Variants in POC1B observed in about 807,000 individuals in gnomAD.
The protein encoded by POC1B is POC1 centriolar protein homolog B.
Under a neutral mutation model 60.6 loss-of-function variants are expected in POC1B, and 44 were observed. The ratio of observed to expected loss-of-function variants is 0.73; its 90% CI spans 0.57 to 0.93. The LOEUF is 0.93. Ranked by LOEUF, POC1B falls within the 40% of genes least tolerant of loss-of-function variation. The probability of loss-of-function intolerance (pLI) is 0.00; values close to 1 mark genes in which losing one functional copy is unlikely to be tolerated. For missense variants in POC1B, 555 were observed against 572.3 expected, an observed-to-expected ratio of 0.97 and a Z score of 0.31; for synonymous variants, 180 against 198.9, an observed-to-expected ratio of 0.90 and a Z score of 0.80.
At chr12:89,475,530 TA>T in intron 4 of POC1B, among the ~76,000 whole-genome samples, 1 of 152,342 alleles carries the variant, frequency 6.6e-6, no homozygotes, top group East Asian at 1.9e-4. Flanking sequence ...TCCTCCCTTT[TA>T]TTTTTAATTA....
chr12:89,503,113 C>CT (rs1408468269), intron 2 of POC1B, among the ~76,000 whole-genome samples: 1 of 152,170 alleles, frequency 6.6e-6, no homozygotes, highest in Non-Finnish European at 1.5e-5. Flanking sequence ...CTATCCCTCT[C>CT]TCCCCACGGT....
chr12:89,523,526 A>G (rs567540670), intron 2 of POC1B: 1 of 1,607,384 alleles, frequency 6.2e-7, no homozygotes, highest in African/African-American at 1.3e-5. Flanking sequence ...ACCCTAAAAG[A>G]CAGCTCAAGG....
intron 10 of POC1B, among the ~76,000 whole-genome samples, chr12:89,441,560 G>A (rs978187858): frequency 6.6e-6 from 1 of 152,192 alleles, no homozygotes. Flanking sequence ...GGTCCTGACT[G>A]TTAGAAGGAA....
intron 10 of POC1B, among the ~76,000 whole-genome samples, chr12:89,458,130 A>G (rs1369235433): frequency 6.6e-6 from 1 of 152,116 alleles, no homozygotes; most frequent in Admixed American, 6.6e-5. Flanking sequence ...GATCTATGAT[A>G]TTTTCTAGGC....
Position 89,466,888 on chromosome 12 carries a change from T to C in POC1B, c.914A>G (p.His305Arg), listed in dbSNP as rs1350008760. The change falls in exon 9 of 12, where the codon CAT becomes CGT. Residue 305 changes from histidine (H) to arginine (R), a missense_variant. His to Arg is a conservative substitution (Grantham distance 29). Coordinates refer to ENST00000313546, the MANE Select transcript of POC1B (RefSeq NM_172240.3). The part of the protein sequence containing the change: ...LLWRTNFDEL[H>R]CKGLTKRNLK... ...ATTTCTTTTGGTAAGACCTTTACAA[T>C]GCAATTCATCAAAGTTAGTCCTCCA... 2 of 1,612,914 alleles carry C rather than the reference T, an allele frequency of 1.2e-6. No individual in the cohort carries two copies. Among genetic ancestry groups the C allele is most frequent in the Non-Finnish European group, 1.7e-6 (2 of 1,179,336 alleles).
intron 4 of POC1B, among the ~76,000 whole-genome samples, chr12:89,489,517 A>G (rs975297067): frequency 6.6e-5 from 10 of 152,324 alleles, no homozygotes; most frequent in Middle Eastern, 3.4e-3. Context: ...CCTTCTGCCT[A>G]TCTTCTTATA....
chr12:89,429,128 C>T (rs899679338), intron 10 of POC1B: 15 of 151,768 alleles, frequency 9.9e-5, no homozygotes, highest in Admixed American at 2.6e-4. Flanking sequence ...ACAATCTAAG[C>T]AATAAAAGAG....
At chr12:89,491,871 G>C (rs79970955) in intron 4 of POC1B, 65 bp downstream of exon 4, 1 of 1,334,360 alleles carries the variant, frequency 7.5e-7, no homozygotes, top group Non-Finnish European at 1.0e-6. Flanking sequence ...TTTTCTGGAA[G>C]TTGGGGGCAA....
chr12:89,469,080 C>T (rs1450494010), intron 7 of POC1B, among the ~76,000 whole-genome samples: 1 of 152,114 alleles, frequency 6.6e-6, no homozygotes, highest in African/African-American at 2.4e-5. Context: ...GCCTGGCCAA[C>T]ATGGTGAAAC....
intron 11 of POC1B, among the ~76,000 whole-genome samples, chr12:89,422,585 T>A (rs1201726984): frequency 2.6e-5 from 4 of 152,222 alleles, no homozygotes; most frequent in Admixed American, 2.6e-4. Context: ...TATTCTCTGA[T>A]TAGAAGGCAG....
intron 11 of POC1B, among the ~76,000 whole-genome samples, chr12:89,423,478 GAAGT>G (rs1269567932): frequency 6.6e-6 from 1 of 152,094 alleles, no homozygotes; most frequent in Non-Finnish European, 1.5e-5. Context: ...CCAAATGCTA[GAAGT>G]TATTTATACA....
intron 11 of POC1B, among the ~76,000 whole-genome samples, chr12:89,421,832 T>C (rs577894868): frequency 1.4e-4 from 22 of 152,296 alleles, no homozygotes; most frequent in African/African-American, 5.3e-4. Flanking sequence ...AAATAATGCA[T>C]GTAAAATGCT....
intron 10 of POC1B, among the ~76,000 whole-genome samples, chr12:89,447,191 A>T (rs565522837): frequency 6.6e-6 from 1 of 152,180 alleles, no homozygotes; most frequent in African/African-American, 2.4e-5. Flanking sequence ...AATTGTAACT[A>T]TTTGGTAAAC....
At chr12:89,474,517 C>A (rs1343059705) in intron 4 of POC1B, among the ~76,000 whole-genome samples, 2 of 152,206 alleles carry the variant, frequency 1.3e-5, no homozygotes, top group African/African-American at 4.8e-5. Context: ...GTTATTAACA[C>A]ATTACATGTA....
At chr12:89,471,353 C>A (rs1207695481) in intron 6 of POC1B, among the ~76,000 whole-genome samples, 1 of 152,180 alleles carries the variant, frequency 6.6e-6, no homozygotes, top group Non-Finnish European at 1.5e-5. Flanking sequence ...ATGCTGATAA[C>A]CAGAATTTGA....
chr12:89,505,822 A>G (rs1869865303), intron 2 of POC1B, among the ~76,000 whole-genome samples: 1 of 152,248 alleles, frequency 6.6e-6, no homozygotes, highest in African/African-American at 2.4e-5. Context: ...TTAGGAGGCT[A>G]CTGCAATCAC....
chr12:89,479,043 AATG>A (rs1883221525), intron 4 of POC1B, among the ~76,000 whole-genome samples: 1 of 152,210 alleles, frequency 6.6e-6, no homozygotes, highest in African/African-American at 2.4e-5. Flanking sequence ...ATGTATTTCA[AATG>A]ATGTTTTCTT....
chr12:89,463,639 AAG>A (rs1565735999), intron 9 of POC1B, among the ~76,000 whole-genome samples: 1 of 152,238 alleles, frequency 6.6e-6, no homozygotes, highest in Non-Finnish European at 1.5e-5. Context: ...GTTTTTAATT[AAG>A]ATGGAGTGCC....
chr12:89,522,898 T>C (rs1327932703), intron 2 of POC1B: 5 of 1,613,726 alleles, frequency 3.1e-6, no homozygotes, highest in Non-Finnish European at 4.2e-6. Context: ...CGGTGTCCGA[T>C]AAGCACTAAG....
Sources: allele counts gnomAD v4.1 joint callset (sites outside exome capture counted in the v4.1 genomes callset), GRCh38; gene constraint gnomAD v4.1.1; transcripts MANE v1.5; gene names NCBI Gene and HGNC (gene_info 2026-07-23, HGNC 2026-07-21).